The following LHX4 variants were observed in gnomAD, a reference collection of about 807,000 sequenced individuals.
The protein encoded by LHX4 is LIM/homeobox protein Lhx4.
LHX4 carries 16 observed loss-of-function variants against 39.2 expected under a neutral mutation model. The observed-to-expected ratio is 0.41, with a 90% CI of 0.28 to 0.62. The LOEUF (loss-of-function observed/expected upper bound fraction) is 0.62. Among genes scored for constraint, LHX4 ranks in the 20% least tolerant of loss-of-function variants. LHX4 has a pLI of 0.33. For synonymous variants in LHX4, 206 were observed against 198.1 expected, an observed-to-expected ratio of 1.04 and a Z score of -0.33; for missense variants, 439 against 511.9, an observed-to-expected ratio of 0.86 and a Z score of 1.37.
chr1:180,238,750 G>A lies in LHX4; in HGVS notation c.76+8145G>A, dbSNP rs189312372. ...TTCTGTTATTGTCTCTTCAAGATAC[G>A]CTGATTTAGAATAAGTGAAAATATA... is the stretch of plus-strand genomic sequence containing the variant. On this transcript the variant is annotated intron_variant, in intron 1 of 5. Coordinates refer to ENST00000263726, the MANE Select transcript of LHX4 (RefSeq NM_033343.4). Among the ~76,000 whole-genome samples the A allele has an allele frequency of 8.1e-4, 123 of 152,268 alleles. 1 individual carries two copies. The East Asian group carries it at 0.011, about 13-fold the overall frequency.
At chr1:180,263,073 G>A (rs947240781) in intron 2 of LHX4, among the ~76,000 whole-genome samples, 23 of 152,182 alleles carry the variant, frequency 1.5e-4, no homozygotes, top group Admixed American at 2.6e-4. Flanking sequence ...ATGGGTGCCC[G>A]GTGATCGGTG....
At chr1:180,240,667 C>T (rs942124216) in intron 1 of LHX4, among the ~76,000 whole-genome samples, 3 of 152,158 alleles carry the variant, frequency 2.0e-5, no homozygotes, top group Non-Finnish European at 2.9e-5. Flanking sequence ...AATGAAGAAA[C>T]GTGAGTGGGG....
intron 1 of LHX4, among the ~76,000 whole-genome samples, chr1:180,238,243 G>A (rs1664370338): frequency 6.6e-6 from 1 of 152,170 alleles, no homozygotes; most frequent in Non-Finnish European, 1.5e-5. Flanking sequence ...AAGAACAAAG[G>A]AGATTTTCAA....
In LHX4 at chr1:180,274,788, G is replaced by C. The variant is rs547140594; in HGVS notation, c.*209G>C. The C allele has an allele frequency of 3.4e-6, 2 of 591,484 alleles. No individual in the cohort carries two copies. The highest frequency in any genetic ancestry group is 2.3e-5 in the South Asian group (1 of 43,028). 36.6% of individuals were successfully genotyped at this position (591,484 alleles called of 1,614,324 possible). A position where few individuals can be genotyped will look rare whatever the true frequency, so the allele number is the denominator to read the frequency against. ...GCAGTGGGAGAGCAGACTCATCTCA[G>C]AACACAGCACAGGGGGTAATGGCCT... On this transcript the variant is annotated 3_prime_UTR_variant, in exon 6 of 6. Coordinates refer to ENST00000263726, the MANE Select transcript of LHX4 (RefSeq NM_033343.4).
chr1:180,258,575 G>T (rs921807764), intron 2 of LHX4, among the ~76,000 whole-genome samples: 10 of 152,164 alleles, frequency 6.6e-5, no homozygotes, highest in African/African-American at 2.2e-4. Context: ...GCAGCTGTAG[G>T]TGCTGGCTGA....
Position 180,230,705 on chromosome 1 carries a change from G to A in LHX4, c.76+100G>A, listed in dbSNP as rs1664156780. ...GGACGCCGCTCAGGGGCCGGGAGGG[G>A]CTGGCGGCCGGGGCGCAGAGGCGGT... On this transcript the variant is annotated intron_variant, in intron 1 of 5. Transcript: ENST00000263726. This position sits in a 1 kb window ranked among gnomAD's most constrained non-coding sequence, Gnocchi z 5.8. 8.5e-7 allele frequency: 1 copy of A among 1,172,110 alleles called. No homozygotes were observed. Among genetic ancestry groups the A allele is most frequent in the Non-Finnish European group, 1.3e-6 (1 of 797,154 alleles). The allele number at this position is 1,172,110 out of a possible 1,614,324, so 72.6% of individuals were successfully genotyped here.
At chr1:180,249,133 T>G (rs1303694876) in intron 2 of LHX4, among the ~76,000 whole-genome samples, 1 of 152,242 alleles carries the variant, frequency 6.6e-6, no homozygotes, top group East Asian at 1.9e-4. Flanking sequence ...ATCTGTAAAA[T>G]GGGGCTCACA....
Position 180,274,290 on chromosome 1 carries a change from C to T in LHX4, c.884C>T (p.Thr295Ile), listed in dbSNP as rs775553773. ...AATGGGAGCTTCTCCATGGACGGGA[C>T]AGGACAATCCTATCAGGACTTGAGG... Reference protein sequence around the residue: ...LMNGSFSMDGTGQSYQDLRDG... With the variant: ...LMNGSFSMDGIGQSYQDLRDG... Residue 295 changes from threonine (T) to isoleucine (I), a missense_variant, in exon 6 of 6, where the codon ACA (threonine) becomes ATA (isoleucine). By Grantham distance (89) the Thr-to-Ile change is moderately conservative. Transcript: ENST00000263726. 1.4e-5 allele frequency: 23 copies of T among 1,614,094 alleles called. No homozygotes were observed. Among genetic ancestry groups the T allele is most frequent in the Non-Finnish European group, 1.9e-5 (22 of 1,180,038 alleles).
chr1:180,234,172 TATATATA>T lies in LHX4; in HGVS notation c.76+3568_76+3574del, dbSNP rs1558207085. 6.6e-3 allele frequency among the ~76,000 whole-genome samples: 40 copies of T among 6,088 alleles called. No individual in the cohort carries two copies. The highest frequency in any genetic ancestry group is 0.028 in the African/African-American group (31 of 1,116). 4.0% of individuals were successfully genotyped at this position (6,088 alleles called of 152,430 possible). A position where few individuals can be genotyped will look rare whatever the true frequency, so the allele number is the denominator to read the frequency against. ...AGACACACACAACACACACAAATTA[TATATATA>T]TATATATATATATATATATATATAT... On this transcript the variant is annotated intron_variant, in intron 1 of 5. Transcript: ENST00000263726. This position sits in a 1 kb window ranked among gnomAD's most constrained non-coding sequence, Gnocchi z 4.8.
At chr1:180,231,481 T>C (rs1425838847) in intron 1 of LHX4, among the ~76,000 whole-genome samples, 2 of 150,318 alleles carry the variant, frequency 1.3e-5, no homozygotes, top group African/African-American at 4.9e-5. Context: ...AGGGAATCCG[T>C]CTCTGTGCTT....
Position 180,274,432 on chromosome 1 carries a change from G to A in LHX4, c.1026G>A (p.Ala342=), listed in dbSNP as rs748004117. 8.9e-5 allele frequency: 143 copies of A among 1,614,180 alleles called. No individual in the cohort carries two copies. Among genetic ancestry groups the A allele is most frequent in the Middle Eastern group, 1.6e-4 (1 of 6,062 alleles). Residue 342 remains alanine, a synonymous_variant, in exon 6 of 6, where the codon GCG becomes GCA. Coordinates refer to ENST00000263726, the MANE Select transcript of LHX4 (RefSeq NM_033343.4). ...YTVDSNLGII[A]HAGQGVSQTL... ...TGGACAGTAATTTGGGCATCATTGC[G>A]CATGCAGGGCAGGGAGTAAGCCAGA...
chr1:180,276,714 G>C lies in LHX4; in HGVS notation c.*2135G>C, dbSNP rs1270597225. The C allele has an allele frequency of 6.6e-6, 1 of 152,252 alleles. No homozygotes were observed. Among genetic ancestry groups the C allele is most frequent in the East Asian group, 1.9e-4 (1 of 5,176 alleles). The allele number at this position is 152,252 out of a possible 1,614,324, so 9.4% of individuals were successfully genotyped here. On this transcript the variant is annotated 3_prime_UTR_variant, in exon 6 of 6. Coordinates refer to ENST00000263726, the MANE Select transcript of LHX4 (RefSeq NM_033343.4). ...GGCTCTGCTGGGCAATGAACCAGATGAAAAGCTGCCCACCCAGATCACTGT... is the reference window on the plus strand; with the variant it reads ...GGCTCTGCTGGGCAATGAACCAGATCAAAAGCTGCCCACCCAGATCACTGT...
In LHX4 at chr1:180,234,195, A is replaced by G. The variant is rs1571254420; in HGVS notation, c.76+3590A>G. On this transcript the variant is annotated intron_variant, in intron 1 of 5. Transcript: ENST00000263726. The surrounding 1 kb of genome is among the most constrained non-coding windows in gnomAD (Gnocchi z 4.8). The stretch of plus-strand genomic sequence containing the variant: ...TATATATATATATATATATATATAT[A>G]TATATATATATATATATATATATAT... 1.1e-5 allele frequency among the ~76,000 whole-genome samples: 1 copy of G among 89,276 alleles called. No homozygotes were observed. Among genetic ancestry groups the G allele is most frequent in the Non-Finnish European group, 2.1e-5 (1 of 47,820 alleles). The allele number at this position is 89,276 out of a possible 152,430, so 58.6% of individuals were successfully genotyped here. A position where few individuals can be genotyped will look rare whatever the true frequency, so the allele number is the denominator to read the frequency against.
At chr1:180,260,370 C>T (rs1648064558) in intron 2 of LHX4, among the ~76,000 whole-genome samples, 1 of 151,742 alleles carries the variant, frequency 6.6e-6, no homozygotes, top group Non-Finnish European at 1.5e-5. Flanking sequence ...CTAGAAGGCT[C>T]GGTCCCTGCA....
intron 1 of LHX4, among the ~76,000 whole-genome samples, chr1:180,245,892 G>T (rs1647363705): frequency 6.6e-6 from 1 of 152,148 alleles, no homozygotes; most frequent in Non-Finnish European, 1.5e-5. Context: ...GCCCTCACTG[G>T]GTGGAAACCC....
chr1:180,229,260 GGA>G (rs1247708730), upstream of LHX4, among the ~76,000 whole-genome samples: 1 of 152,258 alleles, frequency 6.6e-6, no homozygotes, highest in African/African-American at 2.4e-5. Flanking sequence ...GGTGGCAGCC[GGA>G]GAGGCAGAGC....
intron 2 of LHX4, among the ~76,000 whole-genome samples, chr1:180,249,116 T>G (rs1571265473): frequency 6.6e-6 from 1 of 152,318 alleles, no homozygotes; most frequent in Non-Finnish European, 1.5e-5. Context: ...TATGCCTCAG[T>G]TTGTTTATCT....
intron 1 of LHX4, among the ~76,000 whole-genome samples, chr1:180,235,829 T>G (rs1664303853): frequency 6.6e-6 from 1 of 152,238 alleles, no homozygotes; most frequent in Non-Finnish European, 1.5e-5. Context: ...GCGGCTGGAC[T>G]GGGACCGAGC....
rs542129541 is a variant in LHX4, at chr1:180,232,415, G to A, written c.76+1810G>A. On this transcript the variant is annotated intron_variant, in intron 1 of 5. Coordinates refer to ENST00000263726, the MANE Select transcript of LHX4 (RefSeq NM_033343.4). This position sits in a 1 kb window ranked among gnomAD's most constrained non-coding sequence, Gnocchi z 5.4. Reference sequence around the variant, plus strand: ...GACAACTTTGATGTTCGACGTCAGGGAGTCGCTTTGCTAAAATGCCCAGAA... The same window carrying A: ...GACAACTTTGATGTTCGACGTCAGGAAGTCGCTTTGCTAAAATGCCCAGAA... 6.6e-6 allele frequency among the ~76,000 whole-genome samples: 1 copy of A among 152,196 alleles called. No homozygotes were observed. The highest frequency in any genetic ancestry group is 1.9e-4 in the East Asian group (1 of 5,198).
Sources: allele counts gnomAD v4.1 joint callset (sites outside exome capture counted in the v4.1 genomes callset), GRCh38; gene constraint gnomAD v4.1.1; non-coding constraint Gnocchi (gnomAD v3.1); transcripts MANE v1.5; gene names NCBI Gene and HGNC (gene_info 2026-07-23, HGNC 2026-07-21).